Variants in ANKAR observed in about 807,000 individuals in gnomAD.
The protein encoded by ANKAR is ankyrin and armadillo repeat containing.
ANKAR carries 136 observed loss-of-function variants against 146.2 expected under a neutral mutation model. The ratio of observed to expected loss-of-function variants is 0.93; its 90% CI spans 0.81 to 1.07. ANKAR has a LOEUF of 1.07. Among genes scored for constraint, ANKAR ranks in the 50% least tolerant of loss-of-function variants. ANKAR has a pLI of 0.00. For synonymous variants in ANKAR, 500 were observed against 575.8 expected, an observed-to-expected ratio of 0.87 and a Z score of 1.88; for missense variants, 1,567 against 1,679.9, an observed-to-expected ratio of 0.93 and a Z score of 1.18.
chr2:189,744,717 A>G, intron 21 of ANKAR, 25 bp from the exon 22 acceptor site: 1 of 1,548,320 alleles, frequency 6.5e-7, no homozygotes, highest in East Asian at 2.3e-5. Context: ...CATTTATTTT[A>G]ATGACAAAAA....
At chr2:189,724,863 A>T (rs939592734) in intron 12 of ANKAR, among the ~76,000 whole-genome samples, 1 of 152,212 alleles carries the variant, frequency 6.6e-6, no homozygotes, top group Admixed American at 6.5e-5. Flanking sequence ...TAATAAAAAA[A>T]TTAAATCTAC....
intron 19 of ANKAR, 59 bp downstream of exon 19, chr2:189,738,741 T>A: frequency 9.4e-7 from 1 of 1,062,808 alleles, no homozygotes. Flanking sequence ...AAACAGTTTA[T>A]TGTAATCTGA....
At chr2:189,761,759 A>G, downstream of ANKAR, 1 of 1,252,666 alleles carries the variant, frequency 8.0e-7, no homozygotes, top group Non-Finnish European at 1.1e-6. Flanking sequence ...AAGTTTGTAA[A>G]AGTCACCAAA....
chr2:189,761,620 A>C, downstream of ANKAR: 1 of 1,602,278 alleles, frequency 6.2e-7, no homozygotes, highest in Non-Finnish European at 8.5e-7. Context: ...AAACTCCTGC[A>C]GTCTTAGTCA....
chr2:189,733,080 A>G, intron 16 of ANKAR, 27 bp from the exon 17 acceptor site: 1 of 1,587,656 alleles, frequency 6.3e-7, no homozygotes. Flanking sequence ...ATAATTGAAA[A>G]GTAATTTCTG....
In ANKAR at chr2:189,744,732, T is replaced by C; in HGVS notation, c.4011-10T>C. Reference sequence around the variant, plus strand: ...CATTTATTTTAATGACAAAAATGTTTTCCTTTTAGTCTGGAGAAGAATGGA... The same window carrying C: ...CATTTATTTTAATGACAAAAATGTTCTCCTTTTAGTCTGGAGAAGAATGGA... On this transcript the variant is annotated splice_polypyrimidine_tract_variant and intron_variant, in intron 21 of 22. Transcript: ENST00000684021. 6.3e-7 allele frequency: 1 copy of C among 1,577,838 alleles called. No individual in the cohort carries two copies. The highest frequency in any genetic ancestry group is 8.7e-7 in the Non-Finnish European group (1 of 1,153,530).
At position 189,738,644 on chromosome 2, in the gene ANKAR, G is replaced by T; in HGVS notation, c.3662G>T (p.Ser1221Ile). The T allele has an allele frequency of 2.5e-6, 4 of 1,611,538 alleles. No homozygotes were observed. Among genetic ancestry groups the T allele is most frequent in the Non-Finnish European group, 3.4e-6 (4 of 1,178,428 alleles). Residue 1221 changes from serine to isoleucine, a missense_variant, in exon 19 of 23, where the codon AGT becomes ATT. Coordinates refer to ENST00000684021, the MANE Select transcript of ANKAR (RefSeq NM_001378068.1). ...AGAGGTGTTACTATTTTAGTTGATAGTCTGTATTCAGTTCAGACTTCTACT... is the reference window on the plus strand; with the variant it reads ...AGAGGTGTTACTATTTTAGTTGATATTCTGTATTCAGTTCAGACTTCTACT... ...SARGVTILVD[S>I]LYSVQTSTIV... is the part of the protein sequence containing the mutation.
intron 19 of ANKAR, 50 bp downstream of exon 19, chr2:189,738,732 AAC>A (rs1297475144): frequency 8.4e-7 from 1 of 1,186,650 alleles, no homozygotes; most frequent in African/African-American, 1.5e-5. Context: ...TATTTTCAAA[AAC>A]AGTTTATTGT....
chr2:189,744,185 CAT>C (rs893607053), intron 21 of ANKAR, among the ~76,000 whole-genome samples: 8 of 152,152 alleles, frequency 5.3e-5, no homozygotes, highest in Admixed American at 5.2e-4. Context: ...CATGTACAAA[CAT>C]AGATTCTACA....
intron 11 of ANKAR, 149 bp downstream of exon 11, chr2:189,719,962 A>T: frequency 1.1e-6 from 1 of 890,738 alleles, no homozygotes; most frequent in Non-Finnish European, 1.6e-6. Context: ...CCTGATGAAA[A>T]CTCCACCGAA....
At chr2:189,712,302 T>A (rs1384544240) in intron 10 of ANKAR, among the ~76,000 whole-genome samples, 1 of 152,072 alleles carries the variant, frequency 6.6e-6, no homozygotes, top group Non-Finnish European at 1.5e-5. Context: ...CTCAAGTGGG[T>A]CCCTCACCCC....
Position 189,719,820 on chromosome 2 carries a change from T to A in ANKAR, c.2466+7T>A, listed in dbSNP as rs1248897561. The A allele has an allele frequency of 6.4e-7, 1 of 1,552,380 alleles. No individual in the cohort carries two copies. The highest frequency in any genetic ancestry group is 1.3e-5 in the African/African-American group (1 of 74,160). ...GGATGTTATTGCCAAATATGTAAGT[T>A]CCTTTCATATACAATTATTTTTGAC... On this transcript the variant is annotated splice_region_variant and intron_variant, in intron 11 of 22. Coordinates refer to ENST00000684021, the MANE Select transcript of ANKAR (RefSeq NM_001378068.1).
intron 18 of ANKAR, among the ~76,000 whole-genome samples, chr2:189,760,791 C>T (rs2046933225): frequency 6.7e-6 from 1 of 149,208 alleles, no homozygotes; most frequent in Middle Eastern, 3.4e-3. Flanking sequence ...CTCTGTCTCA[C>T]CAAAAAAAAA....
Position 189,728,700 on chromosome 2 carries a change from GC to G in ANKAR, c.3073del (p.His1025IlefsTer18). ...VIALSKDSRM[H>X]QNQICEGNGI... ...TAGCTCTAAGTAAGGACAGCAGGATGCATCAAAATCAAATATGTGAAGGGAA... is the reference window on the plus strand; with the variant it reads ...TAGCTCTAAGTAAGGACAGCAGGATGATCAAAATCAAATATGTGAAGGGAA... On this transcript the variant is annotated frameshift_variant, in exon 15 of 23. Coordinates refer to ENST00000684021, the MANE Select transcript of ANKAR (RefSeq NM_001378068.1). LOFTEE classifies it high-confidence loss of function. The G allele has an allele frequency of 6.2e-7, 1 of 1,613,996 alleles. No homozygotes were observed. Among genetic ancestry groups the G allele is most frequent in the Non-Finnish European group, 8.5e-7 (1 of 1,179,924 alleles).
At chr2:189,750,491 A>C, downstream of ANKAR, 1 of 671,490 alleles carries the variant, frequency 1.5e-6, no homozygotes, top group Non-Finnish European at 2.5e-6. Flanking sequence ...TTAATATTAT[A>C]TATCTTCTAC....
chr2:189,733,058 A>C (rs2042558553), intron 16 of ANKAR, 49 bp from the exon 17 acceptor site: 1 of 1,551,418 alleles, frequency 6.4e-7, no homozygotes, highest in Admixed American at 1.9e-5. Context: ...GAAATGTGTA[A>C]TTTCATAAAG....
intron 9 of ANKAR, among the ~76,000 whole-genome samples, chr2:189,707,617 CT>C (rs549088823): frequency 0.021 from 2,822 of 134,838 alleles, 77 homozygotes; most frequent in African/African-American, 0.068. Flanking sequence ...TATTTTCTTT[CT>C]TTTTTTTTTT....
intron 3 of ANKAR, among the ~76,000 whole-genome samples, chr2:189,690,777 T>C (rs533301847): frequency 2.0e-5 from 3 of 152,274 alleles, no homozygotes; most frequent in South Asian, 4.1e-4. Context: ...GGCATGGCTC[T>C]TGGGTGGTGG....
chr2:189,693,868 C>A (rs1182622359), intron 5 of ANKAR, among the ~76,000 whole-genome samples: 1 of 152,104 alleles, frequency 6.6e-6, no homozygotes, highest in East Asian at 1.9e-4. Context: ...CCTGCCTCAG[C>A]CTCCTGAGTA....
Sources: allele counts gnomAD v4.1 joint callset (sites outside exome capture counted in the v4.1 genomes callset), GRCh38; gene constraint gnomAD v4.1.1; transcripts MANE v1.5; gene names NCBI Gene and HGNC (gene_info 2026-07-23, HGNC 2026-07-21).